NDUFAF2: variants seen among roughly 807,000 people sequenced by gnomAD.
NDUFAF2 encodes NADH:ubiquinone oxidoreductase complex assembly factor 2.
In NDUFAF2, 13 loss-of-function variants were observed where a neutral mutation model predicts 22.8. The ratio of observed to expected loss-of-function variants is 0.57; its 90% CI spans 0.37 to 0.91. NDUFAF2 has a LOEUF of 0.91. NDUFAF2 is among the 40% of genes least tolerant of loss of function. The pLI is 0.01. For missense variants in NDUFAF2, 162 were observed against 195.2 expected (o/e 0.83, Z 1.01); for synonymous variants, 53 against 64.2 (o/e 0.83, Z 0.84).
chr5:61,066,620 A>G (rs1013890661), intron 1 of NDUFAF2, among the ~76,000 whole-genome samples: 4 of 152,112 alleles, frequency 2.6e-5, no homozygotes, highest in African/African-American at 7.2e-5. Context: ...AATTTGATGA[A>G]AAATCTGCGG....
chr5:61,075,625 T>C (rs1206578261), intron 2 of NDUFAF2, among the ~76,000 whole-genome samples: 1 of 152,208 alleles, frequency 6.6e-6, no homozygotes, highest in Non-Finnish European at 1.5e-5. Context: ...TCAGAGAGTT[T>C]GAATGAAGTT....
intron 1 of NDUFAF2, among the ~76,000 whole-genome samples, chr5:61,050,937 A>G (rs971273353): frequency 2.6e-5 from 4 of 152,176 alleles, no homozygotes; most frequent in Non-Finnish European, 5.9e-5. Flanking sequence ...AAGAACTCTA[A>G]AGTATTTTTA....
chr5:61,028,306 T>A (rs1307147233), intron 1 of NDUFAF2, among the ~76,000 whole-genome samples: 1 of 152,084 alleles, frequency 6.6e-6, no homozygotes, highest in East Asian at 1.9e-4. Flanking sequence ...TATCCCCTTC[T>A]CTTATCACAT....
At chr5:61,039,257 G>GA (rs1751841081) in intron 1 of NDUFAF2, among the ~76,000 whole-genome samples, 1 of 150,428 alleles carries the variant, frequency 6.6e-6, no homozygotes, top group South Asian at 2.1e-4. Flanking sequence ...AGTTACTGTT[G>GA]AAAAAAAGAG....
chr5:60,949,951 C>G (rs1469824706), intron 1 of NDUFAF2, among the ~76,000 whole-genome samples: 4 of 152,162 alleles, frequency 2.6e-5, no homozygotes, highest in African/African-American at 9.7e-5. Context: ...CTGTTTTACT[C>G]ACCTACTAGT....
chr5:60,984,531 G>T (rs1293459641), intron 1 of NDUFAF2, among the ~76,000 whole-genome samples: 1 of 152,074 alleles, frequency 6.6e-6, no homozygotes, highest in Non-Finnish European at 1.5e-5. Flanking sequence ...ATTGGCTGTG[G>T]GTGTGTCATA....
At chr5:61,067,965 C>G (rs563978925) in intron 1 of NDUFAF2, among the ~76,000 whole-genome samples, 1 of 152,236 alleles carries the variant, frequency 6.6e-6, no homozygotes, top group East Asian at 1.9e-4. Flanking sequence ...AACCTTTTTA[C>G]TGTCTATTCA....
chr5:61,035,658 C>T (rs967184602), intron 1 of NDUFAF2, among the ~76,000 whole-genome samples: 2 of 151,922 alleles, frequency 1.3e-5, no homozygotes, highest in Admixed American at 6.6e-5. Context: ...TGCCAGGGGT[C>T]TCAATTTAGA....
rs374882062 is a variant in NDUFAF2, at chr5:61,113,011, CA to C, written c.258+13980del. On this transcript the variant is annotated intron_variant, in intron 3 of 3. Transcript: ENST00000296597. ...ACTTAACACTGATTGCATAAACAAACAGGGGAAGAGAAAACTAATAAAAACT... is the reference window on the plus strand; with the variant it reads ...ACTTAACACTGATTGCATAAACAAACGGGGAAGAGAAAACTAATAAAAACT... Among the ~76,000 whole-genome samples, 82 of 151,430 alleles carry C rather than the reference CA, an allele frequency of 5.4e-4. 1 individual carries two copies. The East Asian group carries it at 0.014, about 27-fold the overall frequency.
intron 3 of NDUFAF2, chr5:61,116,166 A>C (rs1752909953): frequency 6.6e-6 from 1 of 152,172 alleles, no homozygotes; most frequent in African/African-American, 2.4e-5. Flanking sequence ...AAAGGACCTG[A>C]AACCCTTATT....
At chr5:61,143,960 TTGTGTGTG>T (rs58281805) in intron 3 of NDUFAF2, among the ~76,000 whole-genome samples, 2,708 of 98,158 alleles carry the variant, frequency 0.028, 41 homozygotes, top group African/African-American at 0.032. Context: ...TGGCATATTT[TTGTGTGTG>T]TGTGTGTGTG....
At chr5:60,973,505 G>A (rs1481967255) in intron 1 of NDUFAF2, among the ~76,000 whole-genome samples, 7 of 152,124 alleles carry the variant, frequency 4.6e-5, no homozygotes, top group Admixed American at 1.3e-4. Context: ...ACAAACATGC[G>A]TGAACTGAGG....
At chr5:61,071,491 C>T (rs1752299117) in intron 1 of NDUFAF2, among the ~76,000 whole-genome samples, 1 of 152,206 alleles carries the variant, frequency 6.6e-6, no homozygotes, top group African/African-American at 2.4e-5. Context: ...TTCTCCTGCA[C>T]AGTCACTCCC....
chr5:61,087,144 C>T (rs986481819), intron 2 of NDUFAF2, among the ~76,000 whole-genome samples: 3 of 151,842 alleles, frequency 2.0e-5, no homozygotes, highest in African/African-American at 7.3e-5. Context: ...ATATTAGTGC[C>T]CGTAGGAGAA....
chr5:61,042,018 C>T (rs1436968543), intron 1 of NDUFAF2, among the ~76,000 whole-genome samples: 1 of 152,076 alleles, frequency 6.6e-6, no homozygotes, highest in African/African-American at 2.4e-5. Flanking sequence ...AATTTGAAAT[C>T]CAGGTATGAC....
At chr5:60,946,258 A>G (rs1750452459) in intron 1 of NDUFAF2, among the ~76,000 whole-genome samples, 1 of 152,132 alleles carries the variant, frequency 6.6e-6, no homozygotes, top group Non-Finnish European at 1.5e-5. Context: ...ATAGCTCGGG[A>G]ATCACGGAAA....
intron 2 of NDUFAF2, among the ~76,000 whole-genome samples, chr5:61,093,861 A>G (rs6878124): frequency 0.6 from 91,390 of 151,916 alleles, 28,236 homozygotes; most frequent in East Asian, 0.94. Context: ...TTGTACATCT[A>G]GTAGAATTCA....
intron 1 of NDUFAF2, among the ~76,000 whole-genome samples, chr5:61,056,905 AAAAAAAAAAAAAAAATATAT>A (rs1752100301): frequency 2.6e-5 from 1 of 38,882 alleles, no homozygotes; most frequent in African/African-American, 9.7e-5. Context: ...AAAAAAAAAA[AAAAAAAAAAAAAAAATATAT>A]ATATATATAT....
At chr5:60,966,470 C>A (rs1750759502) in intron 1 of NDUFAF2, among the ~76,000 whole-genome samples, 1 of 152,056 alleles carries the variant, frequency 6.6e-6, no homozygotes, top group Non-Finnish European at 1.5e-5. Flanking sequence ...CCTCTGTTTT[C>A]TTCTAGTTTT....
Sources: allele counts gnomAD v4.1 joint callset (sites outside exome capture counted in the v4.1 genomes callset), GRCh38; gene constraint gnomAD v4.1.1; transcripts MANE v1.5; gene names NCBI Gene and HGNC (gene_info 2026-07-23, HGNC 2026-07-21).